OLFM3: variants seen among roughly 807,000 people sequenced by gnomAD.
OLFM3 encodes noelin-3.
In OLFM3, 20 loss-of-function variants were observed where a neutral mutation model predicts 48.6. That is an observed-to-expected ratio of 0.41 (90% CI 0.29 to 0.60). The LOEUF is 0.60. Among genes scored for constraint, OLFM3 ranks in the 20% least tolerant of loss-of-function variants. The pLI is 0.28. For synonymous variants in OLFM3, 222 were observed against 198.1 expected, an observed-to-expected ratio of 1.12 and a Z score of -1.01; for missense variants, 437 against 544.3, an observed-to-expected ratio of 0.80 and a Z score of 1.96.
intron 1 of OLFM3, among the ~76,000 whole-genome samples, chr1:101,917,628 G>A (rs6577284): frequency 0.012 from 1,897 of 152,166 alleles, 42 homozygotes; most frequent in African/African-American, 0.043. Flanking sequence ...TGTTGGCCAG[G>A]CTGGTTTCAA....
chr1:101,891,252 T>C (rs1657983388), intron 1 of OLFM3, among the ~76,000 whole-genome samples: 3 of 151,946 alleles, frequency 2.0e-5, no homozygotes, highest in South Asian at 4.1e-4. Flanking sequence ...TAACTTAGTA[T>C]AAAAAATAAA....
At chr1:101,992,415 G>T (rs1661437816) in intron 1 of OLFM3, among the ~76,000 whole-genome samples, 1 of 152,016 alleles carries the variant, frequency 6.6e-6, no homozygotes, top group Non-Finnish European at 1.5e-5. Flanking sequence ...ACATAGACAG[G>T]CTGCCTTGAA....
intron 1 of OLFM3, among the ~76,000 whole-genome samples, chr1:101,994,758 C>T (rs1288895500): frequency 6.6e-6 from 1 of 151,656 alleles, no homozygotes; most frequent in Non-Finnish European, 1.5e-5. Flanking sequence ...GAACAAATAT[C>T]GTCTTTTAAA....
chr1:101,994,227 G>T (rs1218890423), intron 1 of OLFM3, among the ~76,000 whole-genome samples: 2 of 150,704 alleles, frequency 1.3e-5, no homozygotes, highest in African/African-American at 4.8e-5. Flanking sequence ...AATAAACAAA[G>T]TATAACAATA....
intron 1 of OLFM3, among the ~76,000 whole-genome samples, chr1:101,958,538 C>G (rs899929630): frequency 4.6e-5 from 7 of 152,016 alleles, no homozygotes; most frequent in African/African-American, 7.2e-5. Flanking sequence ...GCAGAGCATA[C>G]AGATTAGCTG....
intron 1 of OLFM3, among the ~76,000 whole-genome samples, chr1:101,963,837 G>GT (rs571907905): frequency 1.5e-4 from 23 of 150,316 alleles, no homozygotes; most frequent in Middle Eastern, 3.3e-3. Context: ...TTTAGGTTTT[G>GT]TTTTTTTTTC....
At chr1:101,928,728 G>A (rs1051594163) in intron 1 of OLFM3, among the ~76,000 whole-genome samples, 1 of 152,142 alleles carries the variant, frequency 6.6e-6, no homozygotes, top group Non-Finnish European at 1.5e-5. Context: ...GACCTACTAT[G>A]TGTTTGGCAC....
chr1:101,867,854 T>C (rs1048624209), intron 1 of OLFM3, among the ~76,000 whole-genome samples: 1 of 152,180 alleles, frequency 6.6e-6, no homozygotes, highest in African/African-American at 2.4e-5. Flanking sequence ...CTATGTGTCG[T>C]GGGAGGGACC....
intron 1 of OLFM3, among the ~76,000 whole-genome samples, chr1:101,936,471 A>G (rs1265703294): frequency 6.6e-6 from 1 of 152,196 alleles, no homozygotes; most frequent in Admixed American, 6.5e-5. Context: ...GAGATAACAC[A>G]AACAAATGGA....
rs72987938 is a variant in OLFM3 at position 101,843,367 on chromosome 1, C to T, written c.70-6342G>A. ...GGTCTTCCTGGTGTGAAGCCCACAGCGTGAGGGATTTCTCAGAAGCTCAGC... is the reference window on the plus strand; with the variant it reads ...GGTCTTCCTGGTGTGAAGCCCACAGTGTGAGGGATTTCTCAGAAGCTCAGC... On this transcript the variant is annotated intron_variant, in intron 1 of 5. Transcript: ENST00000370103. Among the ~76,000 whole-genome samples the T allele has an allele frequency of 2.7e-4, 41 of 152,186 alleles. No homozygotes were observed. The South Asian group carries it at 7.2e-3, about 27-fold the overall frequency.
chr1:101,826,213 G>A (rs932799861), intron 3 of OLFM3, among the ~76,000 whole-genome samples: 33 of 150,640 alleles, frequency 2.2e-4, no homozygotes, highest in Admixed American at 6.6e-5. Flanking sequence ...ACCCCTAGCC[G>A]TAACAGGACT....
chr1:101,973,257 G>A (rs1570679972), intron 1 of OLFM3, among the ~76,000 whole-genome samples: 1 of 152,188 alleles, frequency 6.6e-6, no homozygotes, highest in Admixed American at 6.5e-5. Flanking sequence ...CGAACCAGGT[G>A]GGGTGCTGGT....
rs1658258679 is a variant in OLFM3, at chr1:101,897,905, T to C, written c.70-60880A>G. Among the ~76,000 whole-genome samples, 6 of 152,128 alleles carry C rather than the reference T, an allele frequency of 3.9e-5. No homozygotes were observed. In the South Asian group the frequency reaches 1.2e-3, roughly 32 times the overall value. On this transcript the variant is annotated intron_variant, in intron 1 of 5. Transcript: ENST00000370103. ...AAGATCACAAACAAAAACACTTCCT[T>C]TTTCTAAGGCAACTTTCCAAAATTT...
At chr1:101,828,009 G>GCTCTCTCT (rs71655097) in intron 3 of OLFM3, among the ~76,000 whole-genome samples, 33 of 136,050 alleles carry the variant, frequency 2.4e-4, no homozygotes, top group Non-Finnish European at 4.4e-4. Flanking sequence ...CTGCATTCAT[G>GCTCTCTCT]CTCTCTCTCT....
chr1:101,839,650 A>G (rs1385459481), intron 1 of OLFM3, among the ~76,000 whole-genome samples: 1 of 152,222 alleles, frequency 6.6e-6, no homozygotes, highest in Non-Finnish European at 1.5e-5. Flanking sequence ...CAGCATTAAT[A>G]TTGACGTGCA....
chr1:101,814,625 C>G (rs1570509190), intron 4 of OLFM3, among the ~76,000 whole-genome samples: 1 of 152,204 alleles, frequency 6.6e-6, no homozygotes, highest in East Asian at 1.9e-4. Context: ...TAGAGAATAG[C>G]TAGGGGAAGG....
intron 1 of OLFM3, among the ~76,000 whole-genome samples, chr1:101,874,668 A>T (rs1282283637): frequency 6.6e-6 from 1 of 152,066 alleles, no homozygotes; most frequent in East Asian, 1.9e-4. Flanking sequence ...TTGAGGCTCA[A>T]AAACATTAAA....
At chr1:101,931,680 C>T (rs1196116904) in intron 1 of OLFM3, among the ~76,000 whole-genome samples, 5 of 152,180 alleles carry the variant, frequency 3.3e-5, no homozygotes, top group Non-Finnish European at 5.9e-5. Flanking sequence ...AGATAGAAGG[C>T]TCCTCATGCT....
chr1:101,825,843 T>G (rs769847280), intron 3 of OLFM3, among the ~76,000 whole-genome samples: 1 of 152,190 alleles, frequency 6.6e-6, no homozygotes, highest in Non-Finnish European at 1.5e-5. Context: ...CTTTTAAATA[T>G]CAATTTTAGC....
Sources: gnomAD v4.1 joint callset for allele counts (sites outside exome capture counted in the v4.1 genomes callset) on GRCh38, gnomAD v4.1.1 for gene constraint, MANE v1.5 for transcripts, NCBI Gene and HGNC (gene_info 2026-07-23, HGNC 2026-07-21) for gene names.